SYNE1: variants seen among roughly 807,000 people sequenced by gnomAD.
SYNE1 encodes the protein spectrin repeat containing nuclear envelope protein 1.
Under a neutral mutation model 1,111.0 loss-of-function variants are expected in SYNE1, and 616 were observed. The ratio of observed to expected loss-of-function variants is 0.55; its 90% CI spans 0.52 to 0.59. The LOEUF (loss-of-function observed/expected upper bound fraction) is 0.59, where lower values mean the gene tolerates loss of function less well. Among genes scored for constraint, SYNE1 ranks in the 20% least tolerant of loss-of-function variants. The pLI is 0.00. For synonymous variants in SYNE1, 3,855 were observed against 3,825.8 expected (o/e 1.01, Z -0.28); for missense variants, 10,006 against 10,417.0 (o/e 0.96, Z 1.72).
chr6:152,343,156 C>CTT (rs11297257), intron 74 of SYNE1, among the ~76,000 whole-genome samples: 1 of 133,908 alleles, frequency 7.5e-6, no homozygotes, highest in Non-Finnish European at 1.6e-5. Context: ...GTTTTCTTTT[C>CTT]TTTTTTTTTT....
At chr6:152,184,261 C>T (rs1420357846) in intron 128 of SYNE1, among the ~76,000 whole-genome samples, 1 of 151,990 alleles carries the variant, frequency 6.6e-6, no homozygotes, top group Non-Finnish European at 1.5e-5. Context: ...CATGGTGAAA[C>T]CACATCACTA....
intron 128 of SYNE1, among the ~76,000 whole-genome samples, chr6:152,181,312 T>C (rs1422333757): frequency 6.6e-6 from 1 of 152,090 alleles, no homozygotes; most frequent in African/African-American, 2.4e-5. Context: ...CTTGGGAAGT[T>C]GAGGCAGGAG....
chr6:152,433,786 G>C lies in SYNE1; in HGVS notation c.4461+9C>G. The C allele has an allele frequency of 6.2e-7, 1 of 1,613,566 alleles. No individual in the cohort carries two copies. The highest frequency in any genetic ancestry group is 8.5e-7 in the Non-Finnish European group (1 of 1,179,598). On this transcript the variant is annotated intron_variant, in intron 34 of 145. Coordinates refer to ENST00000367255, the MANE Select transcript of SYNE1 (RefSeq NM_182961.4). ...CATGGATTATAAATATAATGTGTGA[G>C]CAGGTCACCTTAATTTGGCTGATTT...
chr6:152,624,833 T>C (rs573928754), intron 3 of SYNE1, among the ~76,000 whole-genome samples: 1 of 152,328 alleles, frequency 6.6e-6, no homozygotes, highest in South Asian at 2.1e-4. Context: ...TGTGCTTTAA[T>C]TTCCTAGCCC....
chr6:152,200,725 G>A (rs1034377983), intron 127 of SYNE1, among the ~76,000 whole-genome samples: 10 of 152,094 alleles, frequency 6.6e-5, no homozygotes, highest in Non-Finnish European at 1.2e-4. Flanking sequence ...ATCATCACAG[G>A]TTCAAAATGC....
chr6:152,270,515 G>T (rs2093114336), intron 98 of SYNE1, among the ~76,000 whole-genome samples: 1 of 152,198 alleles, frequency 6.6e-6, no homozygotes, highest in Non-Finnish European at 1.5e-5. Flanking sequence ...CTTCCTGCCT[G>T]ATTATTCTAA....
intron 112 of SYNE1, 53 bp downstream of exon 112, chr6:152,233,728 C>T (rs983698459): frequency 6.2e-7 from 1 of 1,605,460 alleles, no homozygotes; most frequent in Non-Finnish European, 8.5e-7. Flanking sequence ...TGTATTTCTC[C>T]ATGTCAAATA....
chr6:152,346,789 G>A (rs889315651), intron 73 of SYNE1, among the ~76,000 whole-genome samples: 3 of 152,226 alleles, frequency 2.0e-5, no homozygotes, highest in Non-Finnish European at 4.4e-5. Context: ...CAGCCTGTGC[G>A]ACAGAGTGAG....
intron 56 of SYNE1, among the ~76,000 whole-genome samples, chr6:152,380,139 T>C (rs1366703125): frequency 1.3e-5 from 2 of 152,210 alleles, no homozygotes; most frequent in African/African-American, 2.4e-5. Flanking sequence ...CTTTATTTTA[T>C]GGCATGCTGC....
At chr6:152,510,891 A>G in intron 7 of SYNE1, 120 bp downstream of exon 7, 2 of 927,328 alleles carry the variant, frequency 2.2e-6, no homozygotes, top group Non-Finnish European at 3.6e-6. Context: ...TGAAAGGTAC[A>G]TTTCTGCTAA....
At position 152,149,479 on chromosome 6, in the gene SYNE1, G is replaced by A. The variant is rs767648643; in HGVS notation, c.24640C>T (p.Pro8214Ser). 3 of 1,614,122 alleles carry A rather than the reference G, an allele frequency of 1.9e-6. No individual in the cohort carries two copies. Residue 8214 changes from proline (P) to serine (S), a missense_variant and splice_region_variant, in exon 136 of 146, where the codon CCT becomes TCT. Physicochemically the swap from Pro to Ser is moderately conservative, Grantham distance 74 (BLOSUM62 -1). This residue lies in a region of SYNE1 where 761 missense variants were observed against 795.5 expected (regional missense o/e 0.96). Transcript: ENST00000367255. ...CTAAGAAAATCAATGTTACATACAG[G>A]CAGGCGGATCAGTTTCTTATGGTAT... ...ERYHKKLIRL[P>S]LPDDEHDLSD...
rs111710792 is a variant in SYNE1, at chr6:152,215,545, T to C, written c.22192-485A>G. 3.2e-4 allele frequency among the ~76,000 whole-genome samples: 48 copies of C among 152,292 alleles called. 2 individuals are homozygous for C. Among genetic ancestry groups the C allele is most frequent in the African/African-American group, 9.6e-4 (40 of 41,572 alleles). ...TGACAGAACTGATTAAGGATGAAAA[T>C]TATGCTGATAAGTAAAAGACCTTAC... On this transcript the variant is annotated intron_variant, in intron 121 of 145. Coordinates refer to ENST00000367255, the MANE Select transcript of SYNE1 (RefSeq NM_182961.4).
In SYNE1 at chr6:152,628,410, A is replaced by G. The variant is rs1229364770; in HGVS notation, c.-79T>C. On this transcript the variant is annotated 5_prime_UTR_variant, in exon 3 of 146. An upstream start codon of the reference 5' UTR is lost. Coordinates refer to ENST00000367255, the MANE Select transcript of SYNE1 (RefSeq NM_182961.4). ...ACAGGGCTACACCACTCTAGAAAAC[A>G]TGCTTGGACTTTTCTAGATCTATTC... is the stretch of plus-strand genomic sequence containing the variant. The G allele has an allele frequency of 3.8e-5, 52 of 1,386,478 alleles. No individual in the cohort carries two copies. The highest frequency in any genetic ancestry group is 5.1e-5 in the Non-Finnish European group (50 of 973,170). The allele number at this position is 1,386,478 out of a possible 1,614,324, so 85.9% of individuals were successfully genotyped here.
intron 62 of SYNE1, 163 bp downstream of exon 62, chr6:152,367,055 T>G (rs2097094103): frequency 1.2e-6 from 1 of 846,796 alleles, no homozygotes; most frequent in African/African-American, 1.7e-5. Flanking sequence ...GATTCAGGAA[T>G]TCTCTGGCAT....
intron 92 of SYNE1, 120 bp from the exon 93 acceptor site, chr6:152,300,901 C>T: frequency 7.5e-7 from 1 of 1,333,722 alleles, no homozygotes; most frequent in Admixed American, 1.9e-5. Context: ...ATTACTGGGA[C>T]CCGAATTCAC....
chr6:152,504,957 A>G (rs2099049892), intron 9 of SYNE1, among the ~76,000 whole-genome samples: 1 of 152,234 alleles, frequency 6.6e-6, no homozygotes. Flanking sequence ...TATTAAGTCC[A>G]GTTCACCCGA....
intron 61 of SYNE1, 103 bp downstream of exon 61, chr6:152,368,869 C>A: frequency 6.7e-7 from 1 of 1,482,074 alleles, no homozygotes; most frequent in South Asian, 1.1e-5. Flanking sequence ...GAGACCCACA[C>A]TGTGGGCGGG....
At chr6:152,291,044 T>C (rs1182376859) in intron 95 of SYNE1, among the ~76,000 whole-genome samples, 3 of 148,682 alleles carry the variant, frequency 2.0e-5, no homozygotes, top group Non-Finnish European at 4.5e-5. Context: ...ATTAGAACAT[T>C]AATATGTTCT....
At chr6:152,550,821 C>T (rs1595173550) in intron 3 of SYNE1, among the ~76,000 whole-genome samples, 1 of 152,074 alleles carries the variant, frequency 6.6e-6, no homozygotes, top group African/African-American at 2.4e-5. Context: ...CACCGTATCA[C>T]GTTTCTAAAA....
Sources: allele counts gnomAD v4.1 joint callset (sites outside exome capture counted in the v4.1 genomes callset), GRCh38; gene constraint gnomAD v4.1.1; regional missense constraint gnomAD v4.1.1; transcripts MANE v1.5; gene names NCBI Gene and HGNC (gene_info 2026-07-23, HGNC 2026-07-21).